CPXM2: variants seen among roughly 807,000 people sequenced by gnomAD.
CPXM2 encodes the protein inactive carboxypeptidase-like protein X2.
A neutral mutation model predicts 86.1 loss-of-function variants in CPXM2; 66 were observed. That is an observed-to-expected ratio of 0.77 (90% CI 0.63 to 0.94). CPXM2 has a LOEUF of 0.94. Ranked by LOEUF, CPXM2 falls within the 40% of genes least tolerant of loss-of-function variation. The probability of loss-of-function intolerance (pLI) is 0.00; values close to 1 mark genes in which losing one functional copy is unlikely to be tolerated. For synonymous variants in CPXM2, 388 were observed against 400.2 expected (o/e 0.97, Z 0.36); for missense variants, 948 against 1,026.3 (o/e 0.92, Z 1.04).
At chr10:123,943,659 G>A (rs1375231296), upstream of CPXM2, among the ~76,000 whole-genome samples, 2 of 152,244 alleles carry the variant, frequency 1.3e-5, no homozygotes, top group Non-Finnish European at 1.5e-5. Context: ...TACCTGTAGA[G>A]CTGAGCCAGG....
upstream of CPXM2, among the ~76,000 whole-genome samples, chr10:123,940,420 G>T (rs1249516281): frequency 1.3e-5 from 2 of 152,154 alleles, no homozygotes; most frequent in Non-Finnish European, 2.9e-5. Flanking sequence ...GATGTGCACG[G>T]GACATCTGTG....
intron 11 of CPXM2, among the ~76,000 whole-genome samples, chr10:123,761,553 T>A (rs1846338398): frequency 6.6e-6 from 1 of 152,152 alleles, no homozygotes; most frequent in Non-Finnish European, 1.5e-5. Flanking sequence ...TCTAACCCTA[T>A]CAAATCTGAA....
chr10:123,895,101 CTT>C (rs1001049091), upstream of CPXM2, among the ~76,000 whole-genome samples: 3 of 124,208 alleles, frequency 2.4e-5, no homozygotes, highest in Non-Finnish European at 3.5e-5. Context: ...AAGACAGATT[CTT>C]TTTTTTTTCT....
upstream of CPXM2, among the ~76,000 whole-genome samples, chr10:123,896,761 C>T (rs1482722667): frequency 2.0e-5 from 3 of 152,194 alleles, no homozygotes; most frequent in South Asian, 4.1e-4. Flanking sequence ...AGACACTGAA[C>T]GCAGGATACA....
At chr10:123,916,198 T>C (rs983808810) in intron 2 of CPXM2, among the ~76,000 whole-genome samples, 2 of 152,198 alleles carry the variant, frequency 1.3e-5, no homozygotes, top group Non-Finnish European at 2.9e-5. Flanking sequence ...ATTGGTGAGC[T>C]TGTATTGCAT....
intron 2 of CPXM2, among the ~76,000 whole-genome samples, chr10:123,863,158 A>G (rs1156779847): frequency 1.3e-5 from 2 of 152,246 alleles, no homozygotes; most frequent in Non-Finnish European, 2.9e-5. Context: ...CAAAATGGAT[A>G]ACATGGAGCA....
intron 2 of CPXM2, among the ~76,000 whole-genome samples, chr10:123,912,665 G>A (rs1431535701): frequency 6.6e-6 from 1 of 152,216 alleles, no homozygotes; most frequent in Admixed American, 6.5e-5. Flanking sequence ...AACACGCCCA[G>A]CCCTCTCCAC....
At chr10:123,849,892 T>C (rs147913196) in intron 3 of CPXM2, among the ~76,000 whole-genome samples, 274 of 152,322 alleles carry the variant, frequency 1.8e-3, no homozygotes, top group African/African-American at 6.0e-3. Context: ...GACCAAGATG[T>C]AGACCATGAG....
chr10:123,907,615 A>C (rs1037937335), intron 2 of CPXM2, among the ~76,000 whole-genome samples: 14 of 150,636 alleles, frequency 9.3e-5, no homozygotes, highest in African/African-American at 3.4e-4. Context: ...CAGGTTCCCC[A>C]AAAGCTCTGA....
At chr10:123,787,603 A>G (rs1847093332) in intron 6 of CPXM2, among the ~76,000 whole-genome samples, 1 of 152,200 alleles carries the variant, frequency 6.6e-6, no homozygotes, top group Non-Finnish European at 1.5e-5. Context: ...TTAAAAGAAC[A>G]GTAAGAATCC....
At chr10:123,783,076 T>C (rs1846971364) in intron 6 of CPXM2, among the ~76,000 whole-genome samples, 1 of 152,184 alleles carries the variant, frequency 6.6e-6, no homozygotes, top group Non-Finnish European at 1.5e-5. Context: ...AGTTACCTTA[T>C]ATGGTCTAAA....
intron 2 of CPXM2, among the ~76,000 whole-genome samples, chr10:123,937,290 C>G (rs1945729108): frequency 6.6e-6 from 1 of 152,154 alleles, no homozygotes; most frequent in Non-Finnish European, 1.5e-5. Flanking sequence ...GCTTCGAGTT[C>G]CCTTCAGGAT....
chr10:123,814,445 C>T (rs977996197), intron 4 of CPXM2, among the ~76,000 whole-genome samples: 15 of 152,138 alleles, frequency 9.9e-5, no homozygotes, highest in Non-Finnish European at 2.1e-4. Context: ...AGCTTGCAGA[C>T]GGCCTATTGT....
intron 4 of CPXM2, among the ~76,000 whole-genome samples, chr10:123,805,416 A>C (rs1847557196): frequency 6.6e-6 from 1 of 152,076 alleles, no homozygotes; most frequent in South Asian, 2.1e-4. Flanking sequence ...TTTGCCATTT[A>C]GTTCAAAATA....
chr10:123,838,826 A>G (rs1848327338), intron 4 of CPXM2, among the ~76,000 whole-genome samples: 1 of 152,168 alleles, frequency 6.6e-6, no homozygotes, highest in South Asian at 2.1e-4. Context: ...CGTGCAGGAT[A>G]GTAACCTGCG....
At chr10:123,920,660 A>T (rs2134278374) in intron 2 of CPXM2, among the ~76,000 whole-genome samples, 1 of 152,290 alleles carries the variant, frequency 6.6e-6, no homozygotes, top group Middle Eastern at 3.4e-3. Flanking sequence ...TAGGGTTTAA[A>T]TGTTTCTCCA....
intron 2 of CPXM2, among the ~76,000 whole-genome samples, chr10:123,874,751 G>A (rs7912783): frequency 0.021 from 3,127 of 152,270 alleles, 110 homozygotes; most frequent in African/African-American, 0.07. Flanking sequence ...ACAGAAGCAC[G>A]TGTGCTCACC....
In CPXM2 at chr10:123,778,011, T is replaced by C. The variant is rs148281375; in HGVS notation, c.978+2156A>G. Among the ~76,000 whole-genome samples the C allele has an allele frequency of 1.5e-3, 225 of 152,280 alleles. 2 individuals are homozygous for C. Among genetic ancestry groups the C allele is most frequent in the Middle Eastern group, 6.8e-3 (2 of 294 alleles). ...GGAATAATTCCCTTTCTCCGCCTTA[T>C]AGTGTCAATGTCAGGACTTTCTCCT... On this transcript the variant is annotated intron_variant, in intron 7 of 13. Coordinates refer to ENST00000241305, the MANE Select transcript of CPXM2 (RefSeq NM_198148.3).
rs1216881415 is a variant in CPXM2, at chr10:123,827,071, T to C, written c.653+15278A>G. Reference sequence around the variant, plus strand: ...AGTCTAAAAACAAAAATCATCTTTCTTTTCAAGCATTCGTGGAGCATTCAC... The same window carrying C: ...AGTCTAAAAACAAAAATCATCTTTCCTTTCAAGCATTCGTGGAGCATTCAC... On this transcript the variant is annotated intron_variant, in intron 4 of 13. Coordinates refer to ENST00000241305, the MANE Select transcript of CPXM2 (RefSeq NM_198148.3). Among the ~76,000 whole-genome samples the C allele has an allele frequency of 8.5e-5, 13 of 152,336 alleles. No individual in the cohort carries two copies. The South Asian group carries it at 2.7e-3, about 32-fold the overall frequency.
Sources: gnomAD v4.1 joint callset for allele counts (sites outside exome capture counted in the v4.1 genomes callset) on GRCh38, gnomAD v4.1.1 for gene constraint, MANE v1.5 for transcripts, NCBI Gene and HGNC (gene_info 2026-07-23, HGNC 2026-07-21) for gene names.